Variants in TDRD9 observed in about 807,000 individuals in gnomAD.
TDRD9 encodes the protein ATP-dependent RNA helicase TDRD9.
TDRD9 carries 124 observed loss-of-function variants against 172.6 expected under a neutral mutation model. The observed-to-expected ratio is 0.72, with a 90% CI of 0.62 to 0.83. TDRD9 has a LOEUF of 0.83. Ranked by LOEUF, TDRD9 falls within the 40% of genes least tolerant of loss-of-function variation. The pLI, the probability that TDRD9 is intolerant of heterozygous loss-of-function variation, is 0.00. For missense variants in TDRD9, 1,479 were observed against 1,714.1 expected (o/e 0.86, Z 2.42); for synonymous variants, 619 against 617.1 (o/e 1.00, Z -0.05).
chr14:104,037,341 C>G (rs191359943), intron 32 of TDRD9, among the ~76,000 whole-genome samples: 1 of 152,168 alleles, frequency 6.6e-6, no homozygotes, highest in East Asian at 1.9e-4. Context: ...GCATGGGACT[C>G]GTCTCCTGTT....
At chr14:103,986,133 T>C in intron 7 of TDRD9, 84 bp from the exon 8 acceptor site, 1 of 908,424 alleles carries the variant, frequency 1.1e-6, no homozygotes, top group African/African-American at 1.7e-5. Flanking sequence ...GTTGTACTAA[T>C]GGTGAGAGCC....
intron 8 of TDRD9, among the ~76,000 whole-genome samples, chr14:103,989,450 C>T (rs932557474): frequency 3.3e-5 from 5 of 152,234 alleles, no homozygotes; most frequent in African/African-American, 1.2e-4. Context: ...AACTGAGCTC[C>T]TTGGCAGGAG....
intron 12 of TDRD9, among the ~76,000 whole-genome samples, chr14:103,998,067 T>C (rs7143553): frequency 0.016 from 2,502 of 151,862 alleles, 71 homozygotes; most frequent in African/African-American, 0.058. Context: ...GGGAAAGGTG[T>C]GGTGGAGGGG....
At chr14:103,988,873 G>T (rs1340302402) in intron 8 of TDRD9, among the ~76,000 whole-genome samples, 1 of 151,618 alleles carries the variant, frequency 6.6e-6, no homozygotes, top group African/African-American at 2.4e-5. Flanking sequence ...TTTGTATCCG[G>T]TTACTTTTAA....
At position 103,981,980 on chromosome 14, in the gene TDRD9, G is replaced by C. The variant is rs140102077; in HGVS notation, c.1012-4237G>C. Among the ~76,000 whole-genome samples, 797 of 152,206 alleles carry C rather than the reference G, an allele frequency of 5.2e-3. 5 individuals carry two copies. Among genetic ancestry groups the C allele is most frequent in the Non-Finnish European group, 7.4e-3 (504 of 68,020 alleles). ...CAGTTGTGTTACTGTCAGTACTCTT[G>C]TCATGTTACCTCACCACACTGTCTG... is the stretch of plus-strand genomic sequence containing the variant. On this transcript the variant is annotated intron_variant, in intron 7 of 35. Transcript: ENST00000409874.
chr14:103,975,039 T>G (rs2033180728), intron 6 of TDRD9, among the ~76,000 whole-genome samples: 1 of 152,216 alleles, frequency 6.6e-6, no homozygotes, highest in African/African-American at 2.4e-5. Context: ...CCCAAAGTGC[T>G]GGGATTATAG....
At chr14:103,946,130 T>G (rs2031546820) in intron 1 of TDRD9, among the ~76,000 whole-genome samples, 1 of 151,968 alleles carries the variant, frequency 6.6e-6, no homozygotes, top group East Asian at 1.9e-4. Context: ...CATGCCTGAC[T>G]AATTTTTAAA....
chr14:104,025,485 GC>G (rs1214877486), intron 25 of TDRD9, 78 bp from the exon 26 acceptor site: 1 of 1,067,060 alleles, frequency 9.4e-7, no homozygotes, highest in African/African-American at 1.6e-5. Flanking sequence ...CAGGGTGTCA[GC>G]CCTATGATTC....
At chr14:104,003,583 C>T (rs750546864) in intron 13 of TDRD9, among the ~76,000 whole-genome samples, 6 of 152,172 alleles carry the variant, frequency 3.9e-5, no homozygotes, top group Non-Finnish European at 8.8e-5. Context: ...TTAAGACTCC[C>T]TCCTACCCCT....
intron 28 of TDRD9, among the ~76,000 whole-genome samples, chr14:104,030,769 A>G (rs2035257101): frequency 1.3e-5 from 2 of 152,274 alleles, no homozygotes; most frequent in African/African-American, 2.4e-5. Context: ...ATAGGTGGGA[A>G]TTGAACAATG....
intron 9 of TDRD9, among the ~76,000 whole-genome samples, chr14:103,992,067 T>C (rs1217147188): frequency 2.6e-5 from 4 of 152,234 alleles, no homozygotes; most frequent in Non-Finnish European, 5.9e-5. Context: ...TTAGTAATAG[T>C]AAAACACACT....
intron 20 of TDRD9, among the ~76,000 whole-genome samples, chr14:104,014,471 G>A (rs1047237784): frequency 6.6e-6 from 1 of 151,826 alleles, no homozygotes; most frequent in Admixed American, 6.6e-5. Flanking sequence ...TGTAGAGACT[G>A]GGTTTCGCCA....
rs1454812035 is a variant in TDRD9 at position 104,005,292 on chromosome 14, A to G, written c.1600A>G (p.Thr534Ala). 1 of 1,613,984 alleles carries G rather than the reference A, an allele frequency of 6.2e-7. No homozygotes were observed. The highest frequency in any genetic ancestry group is 1.1e-5 in the South Asian group (1 of 91,078). ...PEMLRCPLGS[T>A]ILKVKLLDMG... The stretch of plus-strand genomic sequence containing the variant: ...TTTTCAGCGTTGTCCATTAGGAAGC[A>G]CGATCTTGAAAGTGAAATTACTTGA... Residue 534 changes from threonine to alanine, a missense_variant, in exon 15 of 36, where the codon ACG becomes GCG. Thr to Ala is a moderately conservative substitution (Grantham distance 58). Around this residue, in one of 3 missense-constraint regions of TDRD9, gnomAD observed 1,413 missense variants for 1,649.1 expected, o/e 0.86. Transcript: ENST00000409874.
intron 13 of TDRD9, among the ~76,000 whole-genome samples, chr14:103,999,460 C>G (rs767516030): frequency 6.6e-5 from 10 of 152,120 alleles, no homozygotes; most frequent in African/African-American, 2.2e-4. Flanking sequence ...CCACATGTAT[C>G]ACTGGGCAGA....
At chr14:104,036,728 C>T (rs946037475) in intron 32 of TDRD9, among the ~76,000 whole-genome samples, 3 of 152,188 alleles carry the variant, frequency 2.0e-5, no homozygotes, top group African/African-American at 7.2e-5. Flanking sequence ...AGAAAAAGCA[C>T]AAGCTTAATA....
Position 104,052,125 on chromosome 14 carries a change from T to C in TDRD9, c.*43T>C, listed in dbSNP as rs776834684. On this transcript the variant is annotated 3_prime_UTR_variant, in exon 36 of 36. Transcript: ENST00000409874. ...CTCCAGCACACCCCTCAGGAAGCTG[T>C]GGAGGCTGGATTCCAGGCTCCCTCC... The C allele has an allele frequency of 1.4e-6, 2 of 1,420,054 alleles. No individual in the cohort carries two copies. Among genetic ancestry groups the C allele is most frequent in the Non-Finnish European group, 1.9e-6 (2 of 1,029,488 alleles). 88.0% of individuals were successfully genotyped at this position (1,420,054 alleles called of 1,614,324 possible).
intron 7 of TDRD9, among the ~76,000 whole-genome samples, chr14:103,984,298 T>C (rs2033585595): frequency 6.6e-6 from 1 of 152,220 alleles, no homozygotes; most frequent in South Asian, 2.1e-4. Context: ...CTCCAGGGCA[T>C]GTCAGAGGTC....
intron 9 of TDRD9, among the ~76,000 whole-genome samples, chr14:103,993,564 T>G (rs533279996): frequency 6.6e-6 from 1 of 152,338 alleles, no homozygotes; most frequent in African/African-American, 2.4e-5. Flanking sequence ...AGCAGGGCCA[T>G]GCTCTTTCTG....
intron 32 of TDRD9, among the ~76,000 whole-genome samples, chr14:104,039,060 C>T (rs754440420): frequency 2.6e-5 from 4 of 152,154 alleles, no homozygotes; most frequent in Admixed American, 6.5e-5. Flanking sequence ...CAGTTCTGCA[C>T]GACTAGGGAG....
Sources: allele counts gnomAD v4.1 joint callset (sites outside exome capture counted in the v4.1 genomes callset), GRCh38; gene constraint gnomAD v4.1.1; regional missense constraint gnomAD v4.1.1; transcripts MANE v1.5; gene names NCBI Gene and HGNC (gene_info 2026-07-23, HGNC 2026-07-21).